The following MGAT5 variants were observed in gnomAD, a reference collection of about 807,000 sequenced individuals.
The protein encoded by MGAT5 is alpha-1,6-mannosylglycoprotein 6-beta-N-acetylglucosaminyltransferase A.
MGAT5 carries 30 observed loss-of-function variants against 94.3 expected under a neutral mutation model. The ratio of observed to expected loss-of-function variants is 0.32; its 90% CI spans 0.24 to 0.43. The LOEUF is 0.43. MGAT5 is among the 20% of genes least tolerant of loss of function. MGAT5 has a pLI of 1.00. For missense variants in MGAT5, 691 were observed against 905.5 expected (o/e 0.76, Z 3.04); for synonymous variants, 310 against 322.9 (o/e 0.96, Z 0.43).
At chr2:134,420,439 G>C (rs1684230442) in intron 12 of MGAT5, among the ~76,000 whole-genome samples, 1 of 152,234 alleles carries the variant, frequency 6.6e-6, no homozygotes, top group Non-Finnish European at 1.5e-5. Flanking sequence ...ATGACGGGCT[G>C]CTGCTGGATA....
intron 10 of MGAT5, among the ~76,000 whole-genome samples, chr2:134,381,536 CAGAT>C (rs57978433): frequency 0.39 from 57,472 of 146,620 alleles, 11,511 homozygotes; most frequent in Middle Eastern, 0.63. Context: ...GACAGACAGA[CAGAT>C]AGATAGATAG....
intron 1 of MGAT5, among the ~76,000 whole-genome samples, chr2:134,145,212 C>CTGTGTGTGTGTGTGTGTG (rs1350453588): frequency 3.1e-4 from 35 of 113,780 alleles, no homozygotes; most frequent in African/African-American, 1.3e-3. Context: ...GTGTCTCTCT[C>CTGTGTGTGTGTGTGTGTG]TCTGTGTGTG....
chr2:134,356,111 A>G (rs1308924600), intron 9 of MGAT5, among the ~76,000 whole-genome samples: 2 of 152,188 alleles, frequency 1.3e-5, no homozygotes, highest in African/African-American at 4.8e-5. Context: ...ATCATTCACA[A>G]TGTGAAGACA....
At chr2:134,401,681 G>A (rs958575634) in intron 10 of MGAT5, among the ~76,000 whole-genome samples, 1 of 152,100 alleles carries the variant, frequency 6.6e-6, no homozygotes, top group African/African-American at 2.4e-5. Flanking sequence ...AGCATCTTGC[G>A]GCCATACCAG....
At chr2:134,230,140 G>A (rs1217180768) in intron 1 of MGAT5, among the ~76,000 whole-genome samples, 1 of 152,210 alleles carries the variant, frequency 6.6e-6, no homozygotes, top group African/African-American at 2.4e-5. Flanking sequence ...GTTGTTTTGG[G>A]ATGAAACTGT....
chr2:134,262,113 A>G (rs1021567549), intron 1 of MGAT5, among the ~76,000 whole-genome samples: 1 of 152,260 alleles, frequency 6.6e-6, no homozygotes, highest in Non-Finnish European at 1.5e-5. Flanking sequence ...TTTGTAAAAC[A>G]GACAATATAA....
At chr2:134,281,992 A>T (rs1684726540) in intron 2 of MGAT5, among the ~76,000 whole-genome samples, 1 of 152,210 alleles carries the variant, frequency 6.6e-6, no homozygotes, top group Non-Finnish European at 1.5e-5. Context: ...CTCTTGGCAG[A>T]AGTGCCAGTC....
Position 134,412,902 on chromosome 2 carries a change from C to T in MGAT5, c.1564C>T (p.Pro522Ser). The T allele has an allele frequency of 1.2e-6, 2 of 1,614,070 alleles. No individual in the cohort carries two copies. The highest frequency in any genetic ancestry group is 1.7e-6 in the Non-Finnish European group (2 of 1,180,006). The change falls in exon 12 of 16, where the codon CCA (proline) becomes TCA (serine). Residue 522 changes from proline (P) to serine (S), a missense_variant. Pro to Ser is a moderately conservative substitution (Grantham distance 74, BLOSUM62 -1). Transcript: ENST00000281923. ...FVGLGFPYEG[P>S]APLEAIANGC... ...TGGACTTGGGTTCCCTTACGAGGGC[C>T]CAGCTCCCCTGGAAGCTATCGCAAA...
At chr2:134,143,718 T>TTTTC (rs1444810379) in intron 1 of MGAT5, among the ~76,000 whole-genome samples, 1 of 152,194 alleles carries the variant, frequency 6.6e-6, no homozygotes, top group African/African-American at 2.4e-5. Flanking sequence ...AGTTACTGTG[T>TTTTC]TAGAAGACCT....
chr2:134,234,143 G>A (rs1188512649), intron 1 of MGAT5, among the ~76,000 whole-genome samples: 1 of 152,184 alleles, frequency 6.6e-6, no homozygotes. Flanking sequence ...TCATTTTTCT[G>A]TGTTTCTCAT....
At chr2:134,150,340 G>A (rs1687115994) in intron 1 of MGAT5, among the ~76,000 whole-genome samples, 1 of 152,196 alleles carries the variant, frequency 6.6e-6, no homozygotes, top group Non-Finnish European at 1.5e-5. Context: ...GGCTCTCCTG[G>A]TGTCCAGCAG....
At chr2:134,299,933 T>G (rs2105816061) in intron 2 of MGAT5, among the ~76,000 whole-genome samples, 1 of 152,302 alleles carries the variant, frequency 6.6e-6, no homozygotes, top group Non-Finnish European at 1.5e-5. Flanking sequence ...TATAACTCTC[T>G]GAATACCTGT....
At chr2:134,395,224 G>C (rs766644261) in intron 10 of MGAT5, among the ~76,000 whole-genome samples, 1 of 152,236 alleles carries the variant, frequency 6.6e-6, no homozygotes, top group African/African-American at 2.4e-5. Flanking sequence ...CAATTTGAAG[G>C]CCTCCTGCCC....
intron 2 of MGAT5, among the ~76,000 whole-genome samples, chr2:134,316,419 T>A (rs1244492960): frequency 6.6e-6 from 1 of 152,176 alleles, no homozygotes; most frequent in Non-Finnish European, 1.5e-5. Flanking sequence ...AAGATGTCAC[T>A]GGATGCAGGA....
At chr2:134,238,119 G>A (rs1681766301) in intron 1 of MGAT5, among the ~76,000 whole-genome samples, 1 of 152,146 alleles carries the variant, frequency 6.6e-6, no homozygotes, top group Non-Finnish European at 1.5e-5. Flanking sequence ...TAAGCGTGAA[G>A]CTCTCTGAGA....
At chr2:134,381,540 TAG>T (rs1681629300) in intron 10 of MGAT5, among the ~76,000 whole-genome samples, 2 of 13,400 alleles carry the variant, frequency 1.5e-4, no homozygotes, top group Admixed American at 7.6e-4. Flanking sequence ...GACAGACAGA[TAG>T]ATAGATAGAT....
chr2:134,135,548 T>A (rs747405561), intron 1 of MGAT5, among the ~76,000 whole-genome samples: 8 of 151,458 alleles, frequency 5.3e-5, no homozygotes, highest in Non-Finnish European at 1.2e-4. Context: ...AAAAATTAGC[T>A]GGGCATAGTG....
chr2:134,332,050 C>T (rs62168054), intron 4 of MGAT5, among the ~76,000 whole-genome samples: 30 of 152,138 alleles, frequency 2.0e-4, no homozygotes, highest in South Asian at 4.2e-4. Context: ...CCCCATCAAG[C>T]TACCAATGAC....
At chr2:134,155,105 G>T (rs772325474) in intron 1 of MGAT5, among the ~76,000 whole-genome samples, 1 of 152,166 alleles carries the variant, frequency 6.6e-6, no homozygotes, top group Non-Finnish European at 1.5e-5. Flanking sequence ...GTTAGGACGC[G>T]CAAACTTTGT....
Sources: gnomAD v4.1 joint callset for allele counts (sites outside exome capture counted in the v4.1 genomes callset) on GRCh38, gnomAD v4.1.1 for gene constraint, MANE v1.5 for transcripts, NCBI Gene and HGNC (gene_info 2026-07-23, HGNC 2026-07-21) for gene names.